ADH7: variants seen among roughly 807,000 people sequenced by gnomAD.
The protein encoded by ADH7 is alcohol dehydrogenase 7 (class IV), mu or sigma polypeptide.
ADH7 carries 41 observed loss-of-function variants against 34.4 expected under a neutral mutation model. The ratio of observed to expected loss-of-function variants is 1.19; its 90% CI spans 0.93 to 1.55. ADH7 has a LOEUF of 1.55. ADH7 is among the 40% of genes most tolerant of loss of function. ADH7 has a pLI of 0.00. For synonymous variants in ADH7, 180 were observed against 160.9 expected (o/e 1.12, Z -0.90); for missense variants, 540 against 461.2 (o/e 1.17, Z -1.56).
chr4:99,420,081 A>C (rs1721612495), intron 6 of ADH7, among the ~76,000 whole-genome samples: 1 of 152,196 alleles, frequency 6.6e-6, no homozygotes, highest in Non-Finnish European at 1.5e-5. Context: ...GGGCAAACAA[A>C]GCTCAGATGT....
intron 7 of ADH7, 110 bp downstream of exon 7, chr4:99,418,876 C>G (rs1721582195): frequency 1.3e-5 from 16 of 1,268,684 alleles, no homozygotes. Context: ...CATTTTAGAT[C>G]ACTTCATACT....
Position 99,413,024 on chromosome 4 carries a change from T to C in ADH7, c.*124A>G, listed in dbSNP as rs1721441331. 4 of 1,006,258 alleles carry C rather than the reference T, an allele frequency of 4.0e-6. No individual in the cohort carries two copies. The highest frequency in any genetic ancestry group is 1.6e-5 in the African/African-American group (1 of 61,328). The allele number at this position is 1,006,258 out of a possible 1,614,324, so 62.3% of individuals were successfully genotyped here. On this transcript the variant is annotated 3_prime_UTR_variant, in exon 9 of 9. Coordinates refer to ENST00000437033, the MANE Select transcript of ADH7 (RefSeq NM_000673.7). ...AATAATTCTTTATAAGGGTTCTATG[T>C]CTTCAACAAATCTTCTACTTATGCT...
intron 8 of ADH7, among the ~76,000 whole-genome samples, chr4:99,414,191 T>A (rs1444247694): frequency 6.6e-6 from 1 of 152,110 alleles, no homozygotes; most frequent in African/African-American, 2.4e-5. Context: ...TAGTACTGAG[T>A]GGTTCTGACA....
rs566079442 is a variant in ADH7 at position 99,433,079 on chromosome 4, T to A, written c.18+2137A>T. Among the ~76,000 whole-genome samples the A allele has an allele frequency of 2.6e-5, 4 of 152,278 alleles. No homozygotes were observed. The South Asian group carries it at 8.3e-4, about 32-fold the overall frequency. On this transcript the variant is annotated intron_variant, in intron 1 of 8. Transcript: ENST00000437033. ...CCTATGTCAACCCTTTAGAAAGTAATTTGCATGGTACATCAAGATATTTAA... is the reference window on the plus strand; with the variant it reads ...CCTATGTCAACCCTTTAGAAAGTAAATTGCATGGTACATCAAGATATTTAA...
In ADH7 at chr4:99,415,502, A is replaced by G. The variant is rs146405705; in HGVS notation, c.1076T>C (p.Phe359Ser). The change falls in exon 8 of 9, where the codon TTT becomes TCT. Residue 359 changes from phenylalanine (F) to serine (S), a missense_variant. By Grantham distance (155) the Phe-to-Ser change is radical. Coordinates refer to ENST00000437033, the MANE Select transcript of ADH7 (RefSeq NM_000673.7). ...VLPFKKISEG[F>S]ELLNSGQSIR... ...CCTTTGTCCTGAATTGAGCAGCTCA[A>G]ATCCTTCACTGATTTTTTTAAATGG... The G allele has an allele frequency of 1.1e-4, 171 of 1,613,308 alleles. No homozygotes were observed. Among genetic ancestry groups the G allele is most frequent in the African/African-American group, 3.5e-4 (26 of 74,998 alleles).
intron 1 of ADH7, among the ~76,000 whole-genome samples, chr4:99,430,772 A>G (rs1721920868): frequency 6.6e-6 from 1 of 152,120 alleles, no homozygotes; most frequent in Non-Finnish European, 1.5e-5. Flanking sequence ...AACAAATTCA[A>G]GCTGGATTCA....
rs536459748 is a variant in ADH7, at chr4:99,419,073, C to T, written c.874G>A (p.Val292Ile). The T allele has an allele frequency of 1.3e-5, 21 of 1,613,872 alleles. No individual in the cohort carries two copies. The South Asian group carries it at 2.0e-4, about 15-fold the overall frequency. Reference protein sequence around the residue: ...CHMNYGTSVVVGVPPSAKMLT... With the variant: ...CHMNYGTSVVIGVPPSAKMLT... ...ATCTTGGCTGATGGAGGAACTCCTA[C>T]AACCACGCTGGTCCCATAGTTCATG... The change falls in exon 7 of 9, where the codon GTA becomes ATA. Residue 292 changes from valine (V) to isoleucine (I), a missense_variant. Coordinates refer to ENST00000437033, the MANE Select transcript of ADH7 (RefSeq NM_000673.7).
At position 99,415,096 on chromosome 4, in the gene ADH7, T is replaced by C. The variant is rs566025157; in HGVS notation, c.1100+382A>G. Among the ~76,000 whole-genome samples, 244 of 152,230 alleles carry C rather than the reference T, an allele frequency of 1.6e-3. 2 individuals carry two copies. The highest frequency in any genetic ancestry group is 5.4e-3 in the African/African-American group (224 of 41,576). ...GCTGTTCTCATGATAGTGAGTGAGT[T>C]TTCACAAGATCTGATGGTTTTGTAA... On this transcript the variant is annotated intron_variant, in intron 8 of 8. Coordinates refer to ENST00000437033, the MANE Select transcript of ADH7 (RefSeq NM_000673.7).
Position 99,422,868 on chromosome 4 carries a change from T to A in ADH7, c.565-2075A>T, listed in dbSNP as rs185441873. ...TTTTTCTAATAAAATAGATCTATTT[T>A]ATTTATTTATTTATTATTATTATTA... On this transcript the variant is annotated intron_variant, in intron 5 of 8. Transcript: ENST00000437033. Among the ~76,000 whole-genome samples the A allele has an allele frequency of 6.3e-4, 95 of 149,756 alleles. 2 individuals carry two copies. The East Asian group carries it at 0.016, about 24-fold the overall frequency.
At chr4:99,434,914 G>A in intron 1 of ADH7, 1 of 923,276 alleles carries the variant, frequency 1.1e-6, no homozygotes, top group Non-Finnish European at 1.6e-6. Flanking sequence ...TTGGCTTCCT[G>A]GAGCAATTGC....
intron 1 of ADH7, among the ~76,000 whole-genome samples, chr4:99,434,573 A>C (rs374450898): frequency 6.6e-6 from 1 of 152,192 alleles, no homozygotes; most frequent in East Asian, 1.9e-4. Flanking sequence ...CTATTTTCAA[A>C]TAAAAAAAAA....
chr4:99,426,583 A>T (rs1721810565), intron 5 of ADH7, among the ~76,000 whole-genome samples: 1 of 152,184 alleles, frequency 6.6e-6, no homozygotes, highest in African/African-American at 2.4e-5. Flanking sequence ...TTACCAACCA[A>T]AAAGAGTCCG....
intron 7 of ADH7, among the ~76,000 whole-genome samples, chr4:99,417,917 T>A (rs894435010): frequency 2.6e-4 from 40 of 152,164 alleles, no homozygotes; most frequent in Non-Finnish European, 5.9e-5. Flanking sequence ...TAAAACCTCA[T>A]CCATACCAAC....
At chr4:99,425,754 T>C (rs1251386710) in intron 5 of ADH7, among the ~76,000 whole-genome samples, 1 of 152,206 alleles carries the variant, frequency 6.6e-6, no homozygotes, top group Admixed American at 6.5e-5. Context: ...CAACAGAATA[T>C]ACATTTTTTC....
chr4:99,434,725 A>T (rs917032175), intron 1 of ADH7, among the ~76,000 whole-genome samples: 6 of 152,300 alleles, frequency 3.9e-5, no homozygotes, highest in African/African-American at 1.4e-4. Context: ...CATTTGTAAG[A>T]AACCTAAAAT....
At chr4:99,422,619 T>G (rs540698989) in intron 5 of ADH7, among the ~76,000 whole-genome samples, 1 of 152,200 alleles carries the variant, frequency 6.6e-6, no homozygotes, top group South Asian at 2.1e-4. Flanking sequence ...TATCCCATTT[T>G]TTAATAGAAG....
chr4:99,433,683 A>G (rs1264099664), intron 1 of ADH7, among the ~76,000 whole-genome samples: 1 of 152,164 alleles, frequency 6.6e-6, no homozygotes, highest in Non-Finnish European at 1.5e-5. Context: ...AGATTAGGAA[A>G]AGGGAAGATC....
At position 99,429,557 on chromosome 4, in the gene ADH7, G is replaced by A; in HGVS notation, c.95C>T (p.Pro32Leu). The A allele has an allele frequency of 1.9e-6, 3 of 1,612,134 alleles. No individual in the cohort carries two copies. The highest frequency in any genetic ancestry group is 2.5e-6 in the Non-Finnish European group (3 of 1,179,022). The stretch of plus-strand genomic sequence containing the variant: ...CTTAATGCGAACTTCTTTAGTCTTT[G>A]GTGGGGCAACTTCTATTTCCTCAAT... Reference protein sequence around the residue: ...FSIEEIEVAPPKTKEVRIKIL... With the variant: ...FSIEEIEVAPLKTKEVRIKIL... Residue 32 changes from proline to leucine, a missense_variant, in exon 2 of 9, where the codon CCA becomes CTA. Physicochemically the swap from Pro to Leu is moderately conservative, Grantham distance 98. Transcript: ENST00000437033.
At chr4:99,419,183 T>C in intron 6 of ADH7, 62 bp from the exon 7 acceptor site, 1 of 1,557,946 alleles carries the variant, frequency 6.4e-7, no homozygotes, top group Non-Finnish European at 8.7e-7. Flanking sequence ...ACATAAGCTC[T>C]GAAATGACCT....
Sources: gnomAD v4.1 joint callset for allele counts (sites outside exome capture counted in the v4.1 genomes callset) on GRCh38, gnomAD v4.1.1 for gene constraint, MANE v1.5 for transcripts, NCBI Gene and HGNC (gene_info 2026-07-23, HGNC 2026-07-21) for gene names.